The following AP4E1 variants were observed in gnomAD, a reference collection of about 807,000 sequenced individuals.
AP4E1 encodes the protein adaptor related protein complex 4 subunit epsilon 1, also known as AP-4 complex subunit epsilon-1.
Under a neutral mutation model 128.2 loss-of-function variants are expected in AP4E1, and 56 were observed. The ratio of observed to expected loss-of-function variants is 0.44; its 90% CI spans 0.35 to 0.55. The LOEUF is 0.55. AP4E1 is among the 20% of genes least tolerant of loss of function. The pLI is 0.00. For missense variants in AP4E1, 1,324 were observed against 1,307.7 expected (o/e 1.01, Z -0.19); for synonymous variants, 484 against 473.1 (o/e 1.02, Z -0.30).
intron 15 of AP4E1, among the ~76,000 whole-genome samples, chr15:50,972,701 A>G (rs1200667879): frequency 6.6e-6 from 1 of 152,188 alleles, no homozygotes; most frequent in Non-Finnish European, 1.5e-5. Flanking sequence ...GGTTGGGGCC[A>G]TGGAGCTGTT....
At chr15:50,955,988 C>A (rs978496899) in intron 13 of AP4E1, among the ~76,000 whole-genome samples, 4 of 152,148 alleles carry the variant, frequency 2.6e-5, no homozygotes, top group African/African-American at 9.7e-5. Context: ...GACTAGAGGG[C>A]AGGCTCCTGT....
intron 5 of AP4E1, 141 bp downstream of exon 5, chr15:50,925,360 A>C (rs1186972541): frequency 1.1e-6 from 1 of 899,686 alleles, no homozygotes; most frequent in Non-Finnish European, 1.7e-6. Context: ...CTTCAATAGG[A>C]TCATCTTTAT....
chr15:50,932,365 C>A (rs1251997605), intron 7 of AP4E1, among the ~76,000 whole-genome samples: 1 of 152,158 alleles, frequency 6.6e-6, no homozygotes, highest in African/African-American at 2.4e-5. Context: ...CACCTAGATT[C>A]ATCAATTTAT....
intron 3 of AP4E1, among the ~76,000 whole-genome samples, chr15:50,917,131 T>C (rs2063639514): frequency 6.6e-6 from 1 of 152,208 alleles, no homozygotes; most frequent in Non-Finnish European, 1.5e-5. Context: ...TTGTAGTTTT[T>C]TTCTCTTCTT....
At chr15:50,950,699 C>G (rs1302385157) in intron 13 of AP4E1, among the ~76,000 whole-genome samples, 1 of 151,944 alleles carries the variant, frequency 6.6e-6, no homozygotes, top group Non-Finnish European at 1.5e-5. Context: ...GTGTTTTTTG[C>G]TGCACCTATT....
At chr15:50,961,375 T>C (rs2064310951) in intron 14 of AP4E1, among the ~76,000 whole-genome samples, 2 of 151,974 alleles carry the variant, frequency 1.3e-5, no homozygotes, top group South Asian at 4.1e-4. Context: ...ACTAGAAAAC[T>C]GAATCCAATA....
At chr15:50,920,112 T>TC (rs1222161176) in intron 3 of AP4E1, among the ~76,000 whole-genome samples, 4,334 of 32,550 alleles carry the variant, frequency 0.13, 497 homozygotes, top group African/African-American at 0.33. Flanking sequence ...ATTTATGCCT[T>TC]TTTTTTTTTT....
intron 15 of AP4E1, among the ~76,000 whole-genome samples, chr15:50,971,162 T>C (rs1231040930): frequency 6.6e-6 from 1 of 152,236 alleles, no homozygotes; most frequent in Non-Finnish European, 1.5e-5. Flanking sequence ...TTTGGTTGTC[T>C]GTGAAAGATC....
chr15:50,968,260 T>C lies in AP4E1; in HGVS notation c.1852-3T>C, dbSNP rs760485379. The C allele has an allele frequency of 7.5e-6, 12 of 1,604,040 alleles. No individual in the cohort carries two copies. The highest frequency in any genetic ancestry group is 8.5e-6 in the Non-Finnish European group (10 of 1,172,168). On this transcript the variant is annotated splice_polypyrimidine_tract_variant and splice_region_variant and intron_variant, in intron 14 of 20. Coordinates refer to ENST00000261842, the MANE Select transcript of AP4E1 (RefSeq NM_007347.5). ...TCCTAATTTTTGCTTAATTTTAATA[T>C]AGGTAGATGCTTCTTTATCTTTTCT...
chr15:50,986,232 A>G (rs1429032340), intron 16 of AP4E1, among the ~76,000 whole-genome samples: 4 of 152,178 alleles, frequency 2.6e-5, no homozygotes, highest in South Asian at 4.1e-4. Context: ...TTTTCTAGAT[A>G]TACAATCATG....
intron 3 of AP4E1, among the ~76,000 whole-genome samples, chr15:50,923,286 A>G (rs929917655): frequency 1.1e-4 from 17 of 152,232 alleles, no homozygotes; most frequent in African/African-American, 3.9e-4. Context: ...TATTTCCTCA[A>G]TGTTAAAATG....
rs568117547 is a variant in AP4E1, at chr15:50,968,662, C to G, written c.1966+285C>G. On this transcript the variant is annotated intron_variant, in intron 15 of 20. Coordinates refer to ENST00000261842, the MANE Select transcript of AP4E1 (RefSeq NM_007347.5). ...TATTTTTTGAGACAAGAGTCTTGCT[C>G]TGTCACCCAGGCTGCTGTGCAGTGG... 1.6e-3 allele frequency among the ~76,000 whole-genome samples: 249 copies of G among 152,304 alleles called. 2 individuals are homozygous for G. Among genetic ancestry groups the G allele is most frequent in the Middle Eastern group, 6.8e-3 (2 of 294 alleles).
At chr15:50,936,738 A>C (rs1345975441) in intron 8 of AP4E1, among the ~76,000 whole-genome samples, 5 of 152,192 alleles carry the variant, frequency 3.3e-5, no homozygotes, top group Non-Finnish European at 7.3e-5. Flanking sequence ...GTTCAAGACC[A>C]ACCTGGCCAA....
chr15:50,993,556 G>A lies in AP4E1; in HGVS notation c.2277G>A (p.Glu759=), dbSNP rs201040405. ...CTCAAGTTCTTACCCAATCTAAAGAGGAGAAAGAAAAGCAGCTGCTGGCAT... is the reference window on the plus strand; with the variant it reads ...CTCAAGTTCTTACCCAATCTAAAGAAGAGAAAGAAAAGCAGCTGCTGGCAT... The part of the protein sequence containing the change: ...DQSQVLTQSK[E]EKEKQLLASS... Residue 759 remains glutamate, a synonymous_variant, in exon 17 of 21, where the codon GAG becomes GAA. Transcript: ENST00000261842. The A allele has an allele frequency of 1.5e-5, 24 of 1,613,946 alleles. No individual in the cohort carries two copies. Among genetic ancestry groups the A allele is most frequent in the Non-Finnish European group, 1.9e-5 (22 of 1,179,912 alleles).
intron 8 of AP4E1, among the ~76,000 whole-genome samples, chr15:50,939,416 A>C (rs78661200): frequency 0.018 from 2,687 of 151,562 alleles, 101 homozygotes; most frequent in African/African-American, 0.062. Flanking sequence ...GAGGTTGCAG[A>C]CTGCATCTCA....
At chr15:50,996,595 C>T (rs2619684) in intron 17 of AP4E1, among the ~76,000 whole-genome samples, 25,560 of 151,964 alleles carry the variant, frequency 0.17, 2,406 homozygotes, top group Admixed American at 0.27. Flanking sequence ...CAAAGCCCCC[C>T]GGGGGAGTGG....
At chr15:50,994,842 A>G (rs1441920705) in intron 17 of AP4E1, among the ~76,000 whole-genome samples, 1 of 152,308 alleles carries the variant, frequency 6.6e-6, no homozygotes, top group East Asian at 1.9e-4. Flanking sequence ...ATTCAGGGTG[A>G]TATTAGATTT....
At chr15:50,962,889 CAAAAAA>C (rs71127168) in intron 14 of AP4E1, among the ~76,000 whole-genome samples, 129 of 38,720 alleles carry the variant, frequency 3.3e-3, no homozygotes, top group African/African-American at 0.014. Flanking sequence ...AATTCAACAG[CAAAAAA>C]AAAAAAAAAA....
intron 13 of AP4E1, among the ~76,000 whole-genome samples, chr15:50,954,140 G>A (rs890823453): frequency 6.6e-6 from 1 of 152,150 alleles, no homozygotes; most frequent in Non-Finnish European, 1.5e-5. Context: ...ATAGTTCTAG[G>A]AGTGTTCTTG....
Sources: gnomAD v4.1 joint callset for allele counts (sites outside exome capture counted in the v4.1 genomes callset) on GRCh38, gnomAD v4.1.1 for gene constraint, MANE v1.5 for transcripts, NCBI Gene and HGNC (gene_info 2026-07-23, HGNC 2026-07-21) for gene names.